The following CNTLN variants were observed in gnomAD, a reference collection of about 807,000 sequenced individuals.
CNTLN encodes the protein centlein.
Under a neutral mutation model 180.0 loss-of-function variants are expected in CNTLN, and 212 were observed. That is an observed-to-expected ratio of 1.18 (90% CI 1.05 to 1.32). The LOEUF is 1.32. Ranked by LOEUF, CNTLN falls within the 40% of genes most tolerant of loss-of-function variation. The pLI is 0.00. For synonymous variants in CNTLN, 722 were observed against 563.1 expected (o/e 1.28, Z -3.99); for missense variants, 2,095 against 1,610.9 (o/e 1.30, Z -5.14).
At chr9:17,463,266 T>G (rs956324111) in intron 20 of CNTLN, among the ~76,000 whole-genome samples, 13 of 151,624 alleles carry the variant, frequency 8.6e-5, no homozygotes, top group South Asian at 8.3e-4. Flanking sequence ...AAATACAAAT[T>G]AATGGCTTCG....
At chr9:17,331,690 A>G (rs1459615080) in intron 9 of CNTLN, among the ~76,000 whole-genome samples, 2 of 152,016 alleles carry the variant, frequency 1.3e-5, no homozygotes, top group East Asian at 1.9e-4. Context: ...ACTGTTATTC[A>G]TGCTCTCTGA....
At chr9:17,324,011 G>C (rs1760697652) in intron 8 of CNTLN, among the ~76,000 whole-genome samples, 1 of 152,144 alleles carries the variant, frequency 6.6e-6, no homozygotes, top group South Asian at 2.1e-4. Context: ...GGCTATTATG[G>C]AATGCATAGT....
intron 1 of CNTLN, among the ~76,000 whole-genome samples, chr9:17,140,604 C>G (rs535913895): frequency 1.6e-4 from 25 of 152,156 alleles, no homozygotes; most frequent in Admixed American, 3.9e-4. Context: ...CTATGGCTAG[C>G]TAATTTTTAA....
chr9:17,267,213 A>G lies in CNTLN; in HGVS notation c.850-6520A>G, dbSNP rs866188541. Among the ~76,000 whole-genome samples the G allele has an allele frequency of 3.7e-3, 558 of 151,834 alleles. 2 individuals are homozygous for G. Among genetic ancestry groups the G allele is most frequent in the African/African-American group, 0.012 (494 of 41,368 alleles). ...TTCCATGTTTAGTGCTTCCTTCAGG[A>G]GCTCTTTTAGGGCAGGCCTGGTGGT... On this transcript the variant is annotated intron_variant, in intron 5 of 25. Coordinates refer to ENST00000380647, the MANE Select transcript of CNTLN (RefSeq NM_017738.4).
chr9:17,201,075 A>G (rs1478618860), intron 2 of CNTLN, among the ~76,000 whole-genome samples: 1 of 152,190 alleles, frequency 6.6e-6, no homozygotes, highest in Non-Finnish European at 1.5e-5. Context: ...CCTTTTCTGC[A>G]TCTATTGAGA....
At chr9:17,517,740 T>A in the CNTLN span, among the ~76,000 whole-genome samples, 4 of 152,214 alleles carry the variant, frequency 2.6e-5, no homozygotes, top group Admixed American at 2.6e-4. Flanking sequence ...TGGTCTTGGA[T>A]CTCCAGCCTC....
In CNTLN at chr9:17,217,929, T is replaced by A. The variant is rs181668297; in HGVS notation, c.450-8274T>A. On this transcript the variant is annotated intron_variant, in intron 2 of 25. Transcript: ENST00000380647. Reference sequence around the variant, plus strand: ...ATGAGTATCTGATATATAAAGAGTATCTGATCTTATTTAATACTATATTTA... The same window carrying A: ...ATGAGTATCTGATATATAAAGAGTAACTGATCTTATTTAATACTATATTTA... 2.0e-5 allele frequency among the ~76,000 whole-genome samples: 3 copies of A among 152,262 alleles called. No homozygotes were observed. In the East Asian group the frequency reaches 5.8e-4, roughly 29 times the overall value.
At chr9:17,406,541 C>T (rs546753016) in intron 15 of CNTLN, among the ~76,000 whole-genome samples, 4 of 151,890 alleles carry the variant, frequency 2.6e-5, no homozygotes, top group African/African-American at 9.7e-5. Context: ...CAATCTATTT[C>T]AGATTTCAGC....
At chr9:17,318,547 G>T (rs1032508133) in intron 8 of CNTLN, among the ~76,000 whole-genome samples, 2 of 152,160 alleles carry the variant, frequency 1.3e-5, no homozygotes, top group Non-Finnish European at 2.9e-5. Flanking sequence ...TGTGAAATAT[G>T]AGAAGAAAGG....
chr9:17,521,295 G>GAGAGAGAGAGAGAGAGAGAGAGAGAGA, the CNTLN span, among the ~76,000 whole-genome samples: 3 of 148,922 alleles, frequency 2.0e-5, no homozygotes, highest in African/African-American at 5.0e-5. Context: ...GAGAGAGAGA[G>GAGAGAGAGAGAGAGAGAGAGAGAGAGA]GAAATGGAAC....
intron 8 of CNTLN, among the ~76,000 whole-genome samples, chr9:17,309,863 G>A (rs1372987989): frequency 6.6e-6 from 1 of 151,976 alleles, no homozygotes; most frequent in Non-Finnish European, 1.5e-5. Flanking sequence ...AAATCTCTGT[G>A]AATTTATTTA....
chr9:17,336,230 C>T (rs768347723), intron 10 of CNTLN, among the ~76,000 whole-genome samples: 31 of 152,064 alleles, frequency 2.0e-4, no homozygotes, highest in Non-Finnish European at 3.5e-4. Flanking sequence ...ATCCAAACTA[C>T]AGTTAACCTG....
chr9:17,502,703 G>C lies in CNTLN; in HGVS notation c.*51G>C, dbSNP rs997235198. 4.5e-6 allele frequency: 3 copies of C among 666,328 alleles called. No homozygotes were observed. The African/African-American group carries it at 5.7e-5, about 13-fold the overall frequency. 41.3% of individuals were successfully genotyped at this position (666,328 alleles called of 1,614,324 possible). A position where few individuals can be genotyped will look rare whatever the true frequency, so the allele number is the denominator to read the frequency against. ...AATGTGAAAACTTTTTATGTGGTGT[G>C]ATTGGAATACATGCATTGCAATCCT... On this transcript the variant is annotated 3_prime_UTR_variant, in exon 26 of 26. Transcript: ENST00000380647.
chr9:17,155,982 G>A (rs1020444957), intron 2 of CNTLN, among the ~76,000 whole-genome samples: 3 of 152,134 alleles, frequency 2.0e-5, no homozygotes, highest in Non-Finnish European at 4.4e-5. Context: ...TTAGGTAGGG[G>A]AGAAAATTCC....
At chr9:17,353,382 A>G (rs905209368) in intron 12 of CNTLN, among the ~76,000 whole-genome samples, 7 of 137,146 alleles carry the variant, frequency 5.1e-5, no homozygotes, top group East Asian at 2.1e-4. Flanking sequence ...AATACTTGTT[A>G]TGGTCTGTTT....
intron 22 of CNTLN, 56 bp from the exon 23 acceptor site, chr9:17,466,650 T>G (rs960904510): frequency 7.0e-7 from 1 of 1,421,480 alleles, no homozygotes; most frequent in East Asian, 2.5e-5. Context: ...TATAACTAAC[T>G]CTTCCAAATC....
chr9:17,408,342 T>C (rs1827571816), intron 15 of CNTLN, among the ~76,000 whole-genome samples: 1 of 152,098 alleles, frequency 6.6e-6, no homozygotes, highest in Admixed American at 6.5e-5. Context: ...TACCCTTGTT[T>C]ATTTTTATTT....
chr9:17,174,039 TC>T (rs1319256267), intron 2 of CNTLN, among the ~76,000 whole-genome samples: 2 of 152,256 alleles, frequency 1.3e-5, no homozygotes, highest in Non-Finnish European at 2.9e-5. Flanking sequence ...TTATTTGTTC[TC>T]CATTTTTGTA....
At chr9:17,455,102 C>T (rs1049257475) in intron 18 of CNTLN, among the ~76,000 whole-genome samples, 2 of 151,990 alleles carry the variant, frequency 1.3e-5, no homozygotes, top group African/African-American at 4.8e-5. Context: ...TCATCTATAG[C>T]TTTCTCAAGT....
Sources: allele counts gnomAD v4.1 joint callset (sites outside exome capture counted in the v4.1 genomes callset), GRCh38; gene constraint gnomAD v4.1.1; transcripts MANE v1.5; gene names NCBI Gene and HGNC (gene_info 2026-07-23, HGNC 2026-07-21).